CHCHD3: variants seen among roughly 807,000 people sequenced by gnomAD.
The protein encoded by CHCHD3 is MICOS complex subunit MIC19.
Under a neutral mutation model 38.2 loss-of-function variants are expected in CHCHD3, and 20 were observed. The ratio of observed to expected loss-of-function variants is 0.52; its 90% confidence interval spans 0.37 to 0.76. The LOEUF (loss-of-function observed/expected upper bound fraction) is 0.76. Ranked by LOEUF, CHCHD3 falls within the 30% of genes least tolerant of loss-of-function variation. The pLI is 0.00. For synonymous variants in CHCHD3, 82 were observed against 100.0 expected (o/e 0.82, Z 1.07); for missense variants, 245 against 279.2 (o/e 0.88, Z 0.87).
rs879040970 is a variant in CHCHD3 at position 133,035,306 on chromosome 7, C to G, written c.170-10679G>C. On this transcript the variant is annotated intron_variant, in intron 2 of 7. Coordinates refer to ENST00000262570, the MANE Select transcript of CHCHD3 (RefSeq NM_017812.4). The surrounding 1 kb of genome is among the most constrained non-coding windows in gnomAD (Gnocchi z 4.7). ...CCATCTTCTCACACAGTTTCAGTTCCCCCAAGACAGCCCGGAACTGGGGCT... is the reference window on the plus strand; with the variant it reads ...CCATCTTCTCACACAGTTTCAGTTCGCCCAAGACAGCCCGGAACTGGGGCT... 3 of 1,611,430 alleles carry G rather than the reference C, an allele frequency of 1.9e-6. No homozygotes were observed. The highest frequency in any genetic ancestry group is 1.1e-5 in the South Asian group (1 of 91,028).
At chr7:132,972,548 A>G (rs2117327382) in intron 4 of CHCHD3, 1 of 972,472 alleles carries the variant, frequency 1.0e-6, no homozygotes, top group Non-Finnish European at 1.2e-6. Context: ...TATGTCTTCC[A>G]TAATAATAAA....
chr7:132,919,368 C>A (rs1016187230), intron 4 of CHCHD3, among the ~76,000 whole-genome samples: 22 of 152,068 alleles, frequency 1.4e-4, no homozygotes, highest in Non-Finnish European at 2.9e-5. Flanking sequence ...GCCTCGGCCT[C>A]CCAAAGTGCT....
chr7:132,812,778 G>T (rs900484944), intron 6 of CHCHD3, among the ~76,000 whole-genome samples: 1 of 152,092 alleles, frequency 6.6e-6, no homozygotes, highest in Non-Finnish European at 1.5e-5. Context: ...TAGTGATTAT[G>T]ACCTACTAGG....
At chr7:132,861,014 G>A (rs935966134) in intron 5 of CHCHD3, among the ~76,000 whole-genome samples, 5 of 152,220 alleles carry the variant, frequency 3.3e-5, no homozygotes, top group African/African-American at 1.2e-4. Context: ...ACAAGGGAGT[G>A]ATTACAAGAG....
chr7:133,052,054 C>T (rs1353766562), intron 2 of CHCHD3: 1 of 152,178 alleles, frequency 6.6e-6, no homozygotes, highest in Non-Finnish European at 1.5e-5. Context: ...CAATACCATG[C>T]CAATTTAGTC....
chr7:133,055,506 T>TA (rs1362535312), intron 2 of CHCHD3, among the ~76,000 whole-genome samples: 1 of 143,032 alleles, frequency 7.0e-6, no homozygotes, highest in African/African-American at 2.7e-5. Context: ...TTATTATAAT[T>TA]AATTATAATA....
At chr7:132,878,778 C>T (rs902098327) in intron 5 of CHCHD3, among the ~76,000 whole-genome samples, 6 of 152,190 alleles carry the variant, frequency 3.9e-5, no homozygotes, top group African/African-American at 1.4e-4. Context: ...GGAACTTCTA[C>T]TGGATGACTG....
At chr7:132,881,728 T>C (rs946417557) in intron 5 of CHCHD3, among the ~76,000 whole-genome samples, 3 of 152,186 alleles carry the variant, frequency 2.0e-5, no homozygotes, top group Admixed American at 2.0e-4. Flanking sequence ...TTAGAATCAT[T>C]TCTTACAATA....
At chr7:132,838,622 C>T (rs183610926) in intron 5 of CHCHD3, among the ~76,000 whole-genome samples, 153 bp from the exon 6 acceptor site, 166 of 152,280 alleles carry the variant, frequency 1.1e-3, no homozygotes, top group African/African-American at 3.9e-3. Flanking sequence ...TTATAAAACA[C>T]ATGTAAAGCT....
At chr7:132,895,734 G>A (rs1248173960) in intron 4 of CHCHD3, among the ~76,000 whole-genome samples, 7 of 152,172 alleles carry the variant, frequency 4.6e-5, no homozygotes, top group African/African-American at 1.7e-4. Context: ...CTCTTCCTTT[G>A]CCTTCCGCCA....
chr7:132,865,479 T>C (rs1297181325), intron 5 of CHCHD3, among the ~76,000 whole-genome samples: 2 of 152,040 alleles, frequency 1.3e-5, no homozygotes, highest in African/African-American at 2.4e-5. Context: ...TCTGTTTTAA[T>C]AGGGGAACAG....
At chr7:132,925,162 G>T (rs1275738467) in intron 4 of CHCHD3, among the ~76,000 whole-genome samples, 3 of 152,012 alleles carry the variant, frequency 2.0e-5, no homozygotes, top group Non-Finnish European at 4.4e-5. Flanking sequence ...TACCAATAAT[G>T]GAGTAGGAAT....
chr7:132,842,153 T>C (rs1372219927), intron 5 of CHCHD3, among the ~76,000 whole-genome samples: 1 of 152,042 alleles, frequency 6.6e-6, no homozygotes, highest in Non-Finnish European at 1.5e-5. Context: ...ATTGTATTAC[T>C]CCCACCTCCC....
chr7:132,787,070 G>A (rs1806339057), intron 7 of CHCHD3, among the ~76,000 whole-genome samples: 1 of 152,100 alleles, frequency 6.6e-6, no homozygotes, highest in South Asian at 2.1e-4. Context: ...TGGGAGGAGT[G>A]AGGGGAGAAA....
rs117588400 is a variant in CHCHD3, at chr7:133,009,181, T to G, written c.251+15365A>C. Among the ~76,000 whole-genome samples the G allele has an allele frequency of 5.8e-3, 887 of 151,712 alleles. 73 individuals are homozygous for G. In the East Asian group the frequency reaches 0.14, roughly 25 times the overall value. ...GAGCTTGAGACCAGCCTGGCCAACA[T>G]GTGACACCCCATCTCTATTAAAAAA... On this transcript the variant is annotated intron_variant, in intron 3 of 7. Coordinates refer to ENST00000262570, the MANE Select transcript of CHCHD3 (RefSeq NM_017812.4).
At chr7:132,895,113 T>C (rs1809460830) in intron 4 of CHCHD3, among the ~76,000 whole-genome samples, 1 of 152,214 alleles carries the variant, frequency 6.6e-6, no homozygotes, top group Admixed American at 6.5e-5. Flanking sequence ...CTCACAAAGA[T>C]ATCAGAATTA....
intron 3 of CHCHD3, among the ~76,000 whole-genome samples, chr7:133,021,052 T>C (rs1289036354): frequency 1.3e-5 from 2 of 152,232 alleles, no homozygotes; most frequent in East Asian, 3.9e-4. Flanking sequence ...TAGATGCCAA[T>C]AACATTTGAC....
chr7:132,940,526 AG>A (rs1411832524), intron 4 of CHCHD3, among the ~76,000 whole-genome samples: 1 of 152,216 alleles, frequency 6.6e-6, no homozygotes, highest in Non-Finnish European at 1.5e-5. Flanking sequence ...GGAGCGGTTC[AG>A]GGGTTTGGTT....
At chr7:132,896,824 G>A (rs982842477) in intron 4 of CHCHD3, among the ~76,000 whole-genome samples, 2 of 152,196 alleles carry the variant, frequency 1.3e-5, no homozygotes, top group East Asian at 3.8e-4. Context: ...AGGACTGTAT[G>A]TCACAGTATC....
Sources: gnomAD v4.1 joint callset for allele counts (sites outside exome capture counted in the v4.1 genomes callset) on GRCh38, gnomAD v4.1.1 for gene constraint, Gnocchi (gnomAD v3.1) non-coding constraint, MANE v1.5 for transcripts, NCBI Gene and HGNC (gene_info 2026-07-23, HGNC 2026-07-21) for gene names.